Variants in FAM133A observed in about 807,000 individuals in gnomAD.
FAM133A encodes the protein family with sequence similarity 133 member A.
For synonymous variants in FAM133A, 65 were observed against 58.6 expected (o/e 1.11, Z -0.50); for missense variants, 159 against 164.4 (o/e 0.97, Z 0.18).
chrX:93,708,952 G>A (rs1446815162), intron 3 of FAM133A, among the ~76,000 whole-genome samples: 2 of 111,473 alleles, frequency 1.8e-5, no homozygotes, highest in Admixed American at 9.5e-5. Flanking sequence ...TTGAGTTGGC[G>A]AAGGTCTGTC....
chrX:93,694,691 A>T (rs1332186126), intron 2 of FAM133A, among the ~76,000 whole-genome samples: 1 of 111,350 alleles, frequency 9.0e-6, no homozygotes, highest in African/African-American at 3.3e-5. Flanking sequence ...TGTCCTGATT[A>T]GTAGATTGGA....
chrX:93,701,582 T>C (rs192562140), intron 3 of FAM133A, among the ~76,000 whole-genome samples: 2 of 112,040 alleles, frequency 1.8e-5, no homozygotes, highest in Non-Finnish European at 3.8e-5. Context: ...TTACTTCATA[T>C]GTAGTCATGT....
At chrX:93,680,122 T>C (rs1925029609) in intron 2 of FAM133A, among the ~76,000 whole-genome samples, 2 of 107,746 alleles carry the variant, frequency 1.9e-5, no homozygotes, top group Admixed American at 2.0e-4. Context: ...CAACTCCCAA[T>C]TGTCTAGTAA....
rs1382053993 is a variant in FAM133A, at chrX:93,710,009, A to G, written c.590A>G (p.Glu197Gly). The change falls in exon 4 of 4, where the codon GAA becomes GGA. Residue 197 changes from glutamate (E) to glycine (G), a missense_variant. By Grantham distance (98) the Glu-to-Gly change is moderately conservative. Coordinates refer to ENST00000683942, the MANE Select transcript of FAM133A (RefSeq NM_001171109.2). ...CCTTTATCATCTGAGTCCTCATCTGAATCAGATTATGAAGAGGATGTGCAA... is the reference window on the plus strand; with the variant it reads ...CCTTTATCATCTGAGTCCTCATCTGGATCAGATTATGAAGAGGATGTGCAA... The part of the protein sequence containing the change: ...DKPLSSESSS[E>G]SDYEEDVQAK... 1 of 1,202,080 alleles carries G rather than the reference A, an allele frequency of 8.3e-7. No individual in the cohort carries two copies. Among genetic ancestry groups the G allele is most frequent in the Non-Finnish European group, 1.1e-6 (1 of 892,257 alleles).
intron 2 of FAM133A, among the ~76,000 whole-genome samples, chrX:93,693,074 G>A (rs772253195): frequency 9.0e-6 from 1 of 111,494 alleles, no homozygotes; most frequent in Non-Finnish European, 1.9e-5. Context: ...CTGTAGCATA[G>A]GAGTTATAGT....
intron 2 of FAM133A, among the ~76,000 whole-genome samples, chrX:93,677,204 C>CAGAATCTGAT (rs1284290557): frequency 9.1e-6 from 1 of 110,203 alleles, no homozygotes; most frequent in Non-Finnish European, 1.9e-5. Flanking sequence ...ATACATAACA[C>CAGAATCTGAT]AGAATCTGAT....
intron 2 of FAM133A, among the ~76,000 whole-genome samples, chrX:93,691,482 T>G (rs1476943271): frequency 8.9e-6 from 1 of 112,350 alleles, no homozygotes; most frequent in Non-Finnish European, 1.9e-5. Flanking sequence ...TTTTAAACTG[T>G]CAATTCTGCT....
rs1374622096 is a variant in FAM133A at position 93,710,134 on chromosome X, A to G, written c.715A>G (p.Lys239Glu). Residue 239 changes from lysine (K) to glutamate (E), a missense_variant, in exon 4 of 4, where the codon AAG (lysine) becomes GAG (glutamate). Coordinates refer to ENST00000683942, the MANE Select transcript of FAM133A (RefSeq NM_001171109.2). ...QHKKHSKKKK[K>E]KSGSSHKSR ...CAAGAAACATAGTAAGAAGAAGAAA[A>G]AGAAGTCTGGATCAAGTCACAAGTC... is the stretch of plus-strand genomic sequence containing the variant. 8.5e-7 allele frequency: 1 copy of G among 1,182,202 alleles called. No individual in the cohort carries two copies. The highest frequency in any genetic ancestry group is 1.1e-6 in the Non-Finnish European group (1 of 886,944).
chrX:93,678,946 T>A (rs28503733), intron 2 of FAM133A, among the ~76,000 whole-genome samples: 3,017 of 112,009 alleles, frequency 0.027, 93 homozygotes, highest in African/African-American at 0.092. Context: ...TCTTCATCCT[T>A]GACCTTTCAC....
chrX:93,705,407 G>A, intron 3 of FAM133A, among the ~76,000 whole-genome samples: 1 of 111,470 alleles, frequency 9.0e-6, no homozygotes. Context: ...CTTTGTTGGT[G>A]TTACTTTTTC....
chrX:93,702,067 G>A (rs984094694), intron 3 of FAM133A, among the ~76,000 whole-genome samples: 2 of 111,653 alleles, frequency 1.8e-5, no homozygotes, highest in South Asian at 7.5e-4. Flanking sequence ...TTCCTGTCGC[G>A]TGCAAAGTGC....
At chrX:93,693,045 T>C (rs1925991357) in intron 2 of FAM133A, among the ~76,000 whole-genome samples, 1 of 111,353 alleles carries the variant, frequency 9.0e-6, no homozygotes, top group Non-Finnish European at 1.9e-5. Context: ...TTTGAGGAAC[T>C]GTAAGGTATT....
At chrX:93,674,297 A>G (rs1369737067) in intron 1 of FAM133A, 23 bp downstream of exon 1, 1 of 111,447 alleles carries the variant, frequency 9.0e-6, no homozygotes, top group Non-Finnish European at 1.9e-5. Context: ...CACCATTTTT[A>G]TTATATTTCT....
chrX:93,700,817 C>T (rs1926642766), intron 3 of FAM133A, among the ~76,000 whole-genome samples: 1 of 111,434 alleles, frequency 9.0e-6, no homozygotes, highest in South Asian at 3.7e-4. Context: ...AGTATATTTA[C>T]ATCAAATTCT....
At chrX:93,682,727 TGCCTCA>T (rs1162907007) in intron 2 of FAM133A, among the ~76,000 whole-genome samples, 1 of 110,904 alleles carries the variant, frequency 9.0e-6, no homozygotes, top group Non-Finnish European at 1.9e-5. Flanking sequence ...GCCATTCTCC[TGCCTCA>T]GCCTCCCAAA....
intron 3 of FAM133A, among the ~76,000 whole-genome samples, chrX:93,702,601 GT>G (rs1234915396): frequency 9.1e-6 from 1 of 109,925 alleles, no homozygotes; most frequent in African/African-American, 3.3e-5. Flanking sequence ...GTAACTTCCC[GT>G]TCTTTAAGTG....
At chrX:93,695,875 ACCTTGTGATCCAC>A (rs1395624510) in intron 2 of FAM133A, among the ~76,000 whole-genome samples, 1 of 104,256 alleles carries the variant, frequency 9.6e-6, no homozygotes. Flanking sequence ...CGATCTCCTG[ACCTTGTGATCCAC>A]CCACCTTAGC....
At chrX:93,681,315 T>TCTATCTC (rs2147589791) in intron 2 of FAM133A, among the ~76,000 whole-genome samples, 1 of 66,791 alleles carries the variant, frequency 1.5e-5, no homozygotes, top group East Asian at 4.5e-4. Context: ...CTATCTATCT[T>TCTATCTC]TGCAATGGCT....
In FAM133A at chrX:93,709,359, C is replaced by A; in HGVS notation, c.-61C>A. On this transcript the variant is annotated 5_prime_UTR_variant, in exon 4 of 4. Transcript: ENST00000683942. Reference sequence around the variant, plus strand: ...ATTTCACTAGATAAAGAATTTAAGGCGAGTATCTATCTTTGTTCTCCTTGG... The same window carrying A: ...ATTTCACTAGATAAAGAATTTAAGGAGAGTATCTATCTTTGTTCTCCTTGG... The A allele has an allele frequency of 6.5e-6, 7 of 1,070,986 alleles. No homozygotes were observed. Among genetic ancestry groups the A allele is most frequent in the Non-Finnish European group, 8.5e-6 (7 of 827,811 alleles). 88.3% of individuals were successfully genotyped at this position (1,070,986 alleles called of 1,213,427 possible).
Sources: allele counts gnomAD v4.1 joint callset (sites outside exome capture counted in the v4.1 genomes callset), GRCh38; gene constraint gnomAD v4.1.1; transcripts MANE v1.5; gene names NCBI Gene and HGNC (gene_info 2026-07-23, HGNC 2026-07-21).